TMEM232: variants seen among roughly 807,000 people sequenced by gnomAD.
The protein encoded by TMEM232 is transmembrane protein 232.
A neutral mutation model predicts 78.8 loss-of-function variants in TMEM232; 80 were observed. That is an observed-to-expected ratio of 1.01 (90% CI 0.85 to 1.22). The LOEUF is 1.22. Among genes scored for constraint, TMEM232 ranks in the 50% most tolerant of loss-of-function variants. The pLI, the probability that TMEM232 is intolerant of heterozygous loss-of-function variation, is 0.00. For synonymous variants in TMEM232, 297 were observed against 254.3 expected, an observed-to-expected ratio of 1.17 and a Z score of -1.60; for missense variants, 881 against 742.2, an observed-to-expected ratio of 1.19 and a Z score of -2.17.
In TMEM232 at chr5:110,595,652, G is replaced by A. The variant is rs963664597; in HGVS notation, c.1276+9457C>T. ...ATACACAAGTATCAATAGCTGAATCGATCAAGTGGAAGAAAAGATATCAGA... is the reference window on the plus strand; with the variant it reads ...ATACACAAGTATCAATAGCTGAATCAATCAAGTGGAAGAAAAGATATCAGA... On this transcript the variant is annotated intron_variant, in intron 10 of 13. Coordinates refer to ENST00000455884, the MANE Select transcript of TMEM232 (RefSeq NM_001039763.4). Among the ~76,000 whole-genome samples, 4 of 152,074 alleles carry A rather than the reference G, an allele frequency of 2.6e-5. No homozygotes were observed. In the South Asian group the frequency reaches 6.2e-4, roughly 24 times the overall value.
intron 1 of TMEM232, among the ~76,000 whole-genome samples, chr5:110,684,538 C>A (rs1332830996): frequency 6.6e-6 from 1 of 152,004 alleles, no homozygotes; most frequent in Non-Finnish European, 1.5e-5. Flanking sequence ...AAATGAAAAG[C>A]TATTTTAAAC....
intron 11 of TMEM232, among the ~76,000 whole-genome samples, chr5:110,541,269 G>A (rs1305406118): frequency 6.6e-6 from 1 of 152,122 alleles, no homozygotes; most frequent in Non-Finnish European, 1.5e-5. Context: ...AACAACTTAG[G>A]AAACAAAATG....
chr5:110,727,328 T>A (rs1034291991), upstream of TMEM232, among the ~76,000 whole-genome samples: 16 of 152,194 alleles, frequency 1.1e-4, no homozygotes, highest in Non-Finnish European at 2.4e-4. Flanking sequence ...AATTCATACG[T>A]AGGCCGGGCG....
chr5:110,728,416 A>G (rs1798362033), upstream of TMEM232, among the ~76,000 whole-genome samples: 1 of 151,908 alleles, frequency 6.6e-6, no homozygotes, highest in Admixed American at 6.6e-5. Context: ...TTGAAAGAAA[A>G]TAAATCTGAA....
At chr5:110,534,628 C>T (rs1772052670) in intron 11 of TMEM232, among the ~76,000 whole-genome samples, 1 of 152,186 alleles carries the variant, frequency 6.6e-6, no homozygotes, top group African/African-American at 2.4e-5. Flanking sequence ...CATACATGCC[C>T]TGCTCTTGTT....
At chr5:110,621,025 G>A (rs990780451) in intron 7 of TMEM232, among the ~76,000 whole-genome samples, 1 of 151,158 alleles carries the variant, frequency 6.6e-6, no homozygotes, top group Non-Finnish European at 1.5e-5. Context: ...ACCACACCTC[G>A]GTAATTTTTA....
chr5:110,485,485 A>G (rs1764361818), intron 12 of TMEM232, among the ~76,000 whole-genome samples: 1 of 152,004 alleles, frequency 6.6e-6, no homozygotes, highest in Non-Finnish European at 1.5e-5. Flanking sequence ...CAAGTCCCCA[A>G]AGTCCATTGT....
At chr5:110,445,994 A>G (rs1759603009) in intron 12 of TMEM232, among the ~76,000 whole-genome samples, 2 of 152,166 alleles carry the variant, frequency 1.3e-5, no homozygotes, top group Non-Finnish European at 2.9e-5. Flanking sequence ...ACATTCAAAG[A>G]AAGAGATTAC....
chr5:110,568,301 T>G (rs1420589744), intron 11 of TMEM232, 146 bp downstream of exon 11: 2 of 802,390 alleles, frequency 2.5e-6, no homozygotes. Context: ...CAAAAATAGA[T>G]CAGTGTTAAG....
At chr5:110,675,893 T>A (rs1791966459) in intron 1 of TMEM232, among the ~76,000 whole-genome samples, 1 of 152,162 alleles carries the variant, frequency 6.6e-6, no homozygotes, top group Non-Finnish European at 1.5e-5. Flanking sequence ...TAACTGAAAC[T>A]TGTTACCCTT....
chr5:110,671,097 C>T (rs1008250241), intron 1 of TMEM232, among the ~76,000 whole-genome samples: 1 of 152,058 alleles, frequency 6.6e-6, no homozygotes, highest in Non-Finnish European at 1.5e-5. Flanking sequence ...AAGCTATGAA[C>T]AGACACTTCT....
chr5:110,690,438 C>A (rs1793977482), intron 1 of TMEM232, among the ~76,000 whole-genome samples: 2 of 152,124 alleles, frequency 1.3e-5, no homozygotes, highest in African/African-American at 4.8e-5. Flanking sequence ...CATATCATAC[C>A]ACTTAGAATG....
intron 10 of TMEM232, among the ~76,000 whole-genome samples, chr5:110,603,865 G>GT (rs1781243276): frequency 6.6e-6 from 1 of 152,076 alleles, no homozygotes; most frequent in African/African-American, 2.4e-5. Context: ...TAGTGAGCAA[G>GT]TTTTTGAGAA....
At chr5:110,647,638 T>C (rs1433858567) in intron 2 of TMEM232, among the ~76,000 whole-genome samples, 1 of 151,960 alleles carries the variant, frequency 6.6e-6, no homozygotes, top group African/African-American at 2.4e-5. Flanking sequence ...ATTTTCATCC[T>C]TCCAGATTAT....
chr5:110,714,459 C>A (rs1258520695), intron 1 of TMEM232, among the ~76,000 whole-genome samples: 1 of 152,160 alleles, frequency 6.6e-6, no homozygotes, highest in Non-Finnish European at 1.5e-5. Flanking sequence ...ATAGCCCACT[C>A]GAGGACATAT....
intron 11 of TMEM232, among the ~76,000 whole-genome samples, chr5:110,556,621 C>T (rs574600824): frequency 1.5e-4 from 23 of 152,178 alleles, no homozygotes; most frequent in South Asian, 4.1e-4. Flanking sequence ...ACTCGAGCTC[C>T]GGTGATCCAC....
intron 2 of TMEM232, among the ~76,000 whole-genome samples, chr5:110,644,072 C>T (rs1396762230): frequency 6.6e-6 from 1 of 151,886 alleles, no homozygotes; most frequent in Admixed American, 6.6e-5. Flanking sequence ...CTTAGTGGAG[C>T]TTGCAGTACA....
chr5:110,451,786 T>C (rs1157438357), intron 12 of TMEM232, among the ~76,000 whole-genome samples: 2 of 152,218 alleles, frequency 1.3e-5, no homozygotes, highest in Admixed American at 6.5e-5. Flanking sequence ...ATTAGTATCA[T>C]AGGTAGTTAT....
chr5:110,416,359 G>T (rs115847936), downstream of TMEM232, among the ~76,000 whole-genome samples: 308 of 152,298 alleles, frequency 2.0e-3, 2 homozygotes, highest in African/African-American at 7.0e-3. Context: ...CAACAGAGGA[G>T]GTGACAAGTG....
Sources: gnomAD v4.1 joint callset for allele counts (sites outside exome capture counted in the v4.1 genomes callset) on GRCh38, gnomAD v4.1.1 for gene constraint, MANE v1.5 for transcripts, NCBI Gene and HGNC (gene_info 2026-07-23, HGNC 2026-07-21) for gene names.